PAPOLG: variants seen among roughly 807,000 people sequenced by gnomAD.
The protein encoded by PAPOLG is poly(A) polymerase gamma.
In PAPOLG, 40 loss-of-function variants were observed where a neutral mutation model predicts 99.0. That is an observed-to-expected ratio of 0.40 (90% CI 0.31 to 0.53). The LOEUF (loss-of-function observed/expected upper bound fraction) is 0.53, where lower values mean the gene tolerates loss of function less well. Ranked by LOEUF, PAPOLG falls within the 20% of genes least tolerant of loss-of-function variation. The pLI is 0.41. For synonymous variants in PAPOLG, 310 were observed against 299.3 expected (o/e 1.04, Z -0.37); for missense variants, 675 against 884.1 (o/e 0.76, Z 3.00).
chr2:60,794,991 A>G lies in PAPOLG; in HGVS notation c.2083A>G (p.Ile695Val). The stretch of plus-strand genomic sequence containing the variant: ...TGCCATTGGAGGAGAATCTATGCCT[A>G]TTCCAACTATTGATACATCACGCAA... ...VDAIGGESMP[I>V]PTIDTSRKKR... is the part of the protein sequence containing the mutation. The change falls in exon 21 of 22, where the codon ATT (isoleucine) becomes GTT (valine). Residue 695 changes from isoleucine to valine, a missense_variant. Transcript: ENST00000238714. 6.2e-7 allele frequency: 1 copy of G among 1,613,606 alleles called. No individual in the cohort carries two copies. Among genetic ancestry groups the G allele is most frequent in the Non-Finnish European group, 8.5e-7 (1 of 1,179,692 alleles).
intron 9 of PAPOLG, 108 bp from the exon 10 acceptor site, chr2:60,780,599 C>T: frequency 2.5e-6 from 3 of 1,183,246 alleles, no homozygotes; most frequent in South Asian, 2.8e-5. Context: ...ATACCAAATA[C>T]CCAGAACATT....
chr2:60,763,793 C>G (rs1164885529), intron 3 of PAPOLG, among the ~76,000 whole-genome samples: 1 of 151,438 alleles, frequency 6.6e-6, no homozygotes, highest in African/African-American at 2.4e-5. Context: ...TGTGAGCCAT[C>G]ACACCTGGCC....
At chr2:60,782,509 A>G (rs1226961667) in intron 11 of PAPOLG, 177 bp from the exon 12 acceptor site, 27 of 812,396 alleles carry the variant, frequency 3.3e-5, no homozygotes, top group Non-Finnish European at 4.0e-5. Flanking sequence ...GTGAGCCGAG[A>G]TAGATCCACC....
chr2:60,795,730 T>C (rs1342061830), intron 21 of PAPOLG, among the ~76,000 whole-genome samples: 2 of 151,940 alleles, frequency 1.3e-5, no homozygotes, highest in African/African-American at 4.8e-5. Flanking sequence ...AGTAAAGTGC[T>C]TTTCATCAAC....
chr2:60,795,227 T>A, intron 21 of PAPOLG: 1 of 658,622 alleles, frequency 1.5e-6, no homozygotes, highest in Non-Finnish European at 2.8e-6. Flanking sequence ...AAAGAGGCAG[T>A]AGTTTAAGAC....
At chr2:60,773,188 G>A (rs1381378697) in intron 7 of PAPOLG, among the ~76,000 whole-genome samples, 1 of 152,172 alleles carries the variant, frequency 6.6e-6, no homozygotes, top group Non-Finnish European at 1.5e-5. Flanking sequence ...GCCTCCCAAA[G>A]TGCTGGGATT....
intron 7 of PAPOLG, among the ~76,000 whole-genome samples, chr2:60,772,948 C>T (rs763525146): frequency 7.3e-5 from 11 of 151,534 alleles, no homozygotes; most frequent in East Asian, 3.9e-4. Context: ...TTTTTTGAGA[C>T]GGAGTCTCAC....
At chr2:60,792,933 G>A (rs1028688443) in intron 17 of PAPOLG, among the ~76,000 whole-genome samples, 19 of 152,198 alleles carry the variant, frequency 1.2e-4, no homozygotes, top group Admixed American at 9.8e-4. Context: ...CTACTTGGGA[G>A]GCTGAGGCAG....
intron 3 of PAPOLG, among the ~76,000 whole-genome samples, chr2:60,763,607 G>A (rs1670586012): frequency 6.6e-6 from 1 of 152,074 alleles, no homozygotes; most frequent in South Asian, 2.1e-4. Flanking sequence ...AGGTTCAAAC[G>A]ATTCTCCTGT....
At chr2:60,784,634 C>G (rs1332729748) in intron 13 of PAPOLG, among the ~76,000 whole-genome samples, 2 of 152,128 alleles carry the variant, frequency 1.3e-5, no homozygotes, top group African/African-American at 2.4e-5. Context: ...TGAAAATAAT[C>G]CTGTCACTGA....
intron 16 of PAPOLG, 87 bp downstream of exon 16, chr2:60,791,969 A>T (rs900657931): frequency 2.0e-6 from 3 of 1,495,178 alleles, no homozygotes; most frequent in Admixed American, 2.2e-5. Flanking sequence ...TCCCAAACCT[A>T]TTGAGAAAAA....
intron 1 of PAPOLG, among the ~76,000 whole-genome samples, chr2:60,757,051 T>G (rs1670368016): frequency 6.6e-6 from 1 of 150,534 alleles, no homozygotes; most frequent in Non-Finnish European, 1.5e-5. Flanking sequence ...TTGTTCACAC[T>G]TTGATAAGTC....
intron 4 of PAPOLG, 26 bp downstream of exon 4, chr2:60,768,577 C>A: frequency 6.6e-7 from 1 of 1,508,258 alleles, no homozygotes; most frequent in Non-Finnish European, 9.1e-7. Context: ...TGTTCTAGTG[C>A]TAAGAACATT....
chr2:60,760,376 G>A, intron 2 of PAPOLG, 81 bp downstream of exon 2: 1 of 1,301,140 alleles, frequency 7.7e-7, no homozygotes. Context: ...TACCTACTGT[G>A]TCTCTAGATA....
intron 13 of PAPOLG, 115 bp downstream of exon 13, chr2:60,783,324 CTTT>C (rs72172236): frequency 4.0e-3 from 629 of 157,826 alleles, no homozygotes; most frequent in Middle Eastern, 7.9e-3. Flanking sequence ...TATTATATCT[CTTT>C]TTTTTTTTTT....
chr2:60,771,637 T>G lies in PAPOLG; in HGVS notation c.604+7T>G, dbSNP rs1558687908. The G allele has an allele frequency of 6.3e-7, 1 of 1,589,702 alleles. No homozygotes were observed. The highest frequency in any genetic ancestry group is 1.9e-5 in the Admixed American group (1 of 52,024). Reference sequence around the variant, plus strand: ...TGTATTCGCAGCTTAAATGGTAAGCTTCTAAAAAGAAATCTCAGATACCTG... The same window carrying G: ...TGTATTCGCAGCTTAAATGGTAAGCGTCTAAAAAGAAATCTCAGATACCTG... On this transcript the variant is annotated splice_region_variant and intron_variant, in intron 7 of 21. Coordinates refer to ENST00000238714, the MANE Select transcript of PAPOLG (RefSeq NM_022894.4).
intron 3 of PAPOLG, among the ~76,000 whole-genome samples, chr2:60,766,236 T>C (rs1670670992): frequency 6.6e-6 from 1 of 151,990 alleles, no homozygotes. Flanking sequence ...TCAGTAAATA[T>C]AGCAAAAAAG....
At chr2:60,794,865 ATTTATTTTCAGG>A in intron 20 of PAPOLG, 87 bp from the exon 21 acceptor site, 1 of 1,560,608 alleles carries the variant, frequency 6.4e-7, no homozygotes, top group Non-Finnish European at 8.8e-7. Context: ...GTCAGATTAG[ATTTATTTTCAGG>A]TTTTCGTTAG....
At chr2:60,787,427 A>T (rs973550369) in intron 14 of PAPOLG, 84 bp from the exon 15 acceptor site, 6 of 1,462,364 alleles carry the variant, frequency 4.1e-6, no homozygotes, top group Non-Finnish European at 5.5e-6. Context: ...AGACATAGAG[A>T]CCAAGTTTTA....
Sources: allele counts gnomAD v4.1 joint callset (sites outside exome capture counted in the v4.1 genomes callset), GRCh38; gene constraint gnomAD v4.1.1; transcripts MANE v1.5; gene names NCBI Gene and HGNC (gene_info 2026-07-23, HGNC 2026-07-21).